Variants in MYO16 observed in about 807,000 individuals in gnomAD.
MYO16 encodes unconventional myosin-XVI.
MYO16 carries 94 observed loss-of-function variants against 205.3 expected under a neutral mutation model. The ratio of observed to expected loss-of-function variants is 0.46; its 90% confidence interval spans 0.39 to 0.54. The LOEUF (loss-of-function observed/expected upper bound fraction) is 0.54, where lower values mean the gene tolerates loss of function less well. Among genes scored for constraint, MYO16 ranks in the 20% least tolerant of loss-of-function variants. The pLI is 0.00. For missense variants in MYO16, 2,315 were observed against 2,387.5 expected (o/e 0.97, Z 0.63); for synonymous variants, 988 against 954.0 (o/e 1.04, Z -0.66).
intron 2 of MYO16, among the ~76,000 whole-genome samples, chr13:108,675,974 A>G (rs1566543856): frequency 6.6e-6 from 1 of 152,192 alleles, no homozygotes; most frequent in Non-Finnish European, 1.5e-5. Flanking sequence ...TAGATAATAC[A>G]TGCAAATACC....
rs1050349984 is a variant in MYO16 at position 108,659,729 on chromosome 13, A to G, written c.29-6157A>G. Among the ~76,000 whole-genome samples, 3 of 152,120 alleles carry G rather than the reference A, an allele frequency of 2.0e-5. No individual in the cohort carries two copies. The South Asian group carries it at 6.2e-4, about 31-fold the overall frequency. On this transcript the variant is annotated intron_variant, in intron 1 of 34. Transcript: ENST00000457511. ...AAAGAGTGTGATATTTCTTCCATCA[A>G]CATAATTGTCCGTTCTGCAATTTCA...
intron 4 of MYO16, among the ~76,000 whole-genome samples, chr13:108,732,278 G>T (rs989916627): frequency 9.9e-5 from 15 of 152,078 alleles, no homozygotes; most frequent in Admixed American, 2.0e-4. Flanking sequence ...TCAGCAGTGA[G>T]CACAAGCAGA....
At chr13:108,735,193 A>T (rs1884649522) in intron 4 of MYO16, among the ~76,000 whole-genome samples, 1 of 152,072 alleles carries the variant, frequency 6.6e-6, no homozygotes, top group African/African-American at 2.4e-5. Flanking sequence ...TACATGTGAC[A>T]TGTTGGTGTG....
chr13:109,160,914 G>A (rs1427773002), intron 32 of MYO16, among the ~76,000 whole-genome samples: 1 of 152,144 alleles, frequency 6.6e-6, no homozygotes, highest in Non-Finnish European at 1.5e-5. Context: ...TGAAGTGCTG[G>A]GTAGTGGGAA....
intron 34 of MYO16, among the ~76,000 whole-genome samples, chr13:109,197,108 C>T (rs544311550): frequency 2.6e-5 from 4 of 152,186 alleles, no homozygotes; most frequent in Non-Finnish European, 5.9e-5. Flanking sequence ...GACTGTCCCC[C>T]TCTCCTTCAG....
chr13:108,881,989 A>G (rs1242577445), intron 12 of MYO16, among the ~76,000 whole-genome samples: 1 of 152,208 alleles, frequency 6.6e-6, no homozygotes, highest in African/African-American at 2.4e-5. Flanking sequence ...CAAGACACAT[A>G]ATTGTCAGAT....
rs1169277056 is a variant in MYO16, at chr13:108,962,329, C to T, written c.2156-95C>T. ...AAAATACTCATGTTTTGTAATGTGC[C>T]TATATAAAACTTATCAATTATGGCC... is the stretch of plus-strand genomic sequence containing the variant. On this transcript the variant is annotated intron_variant, in intron 18 of 34. Transcript: ENST00000457511. The T allele has an allele frequency of 4.5e-6, 4 of 880,238 alleles. No individual in the cohort carries two copies. In the East Asian group the frequency reaches 1.0e-4, roughly 23 times the overall value. 54.5% of individuals were successfully genotyped at this position (880,238 alleles called of 1,614,324 possible). A position where few individuals can be genotyped will look rare whatever the true frequency, so the allele number is the denominator to read the frequency against.
At chr13:108,839,415 T>G (rs538941274) in intron 9 of MYO16, among the ~76,000 whole-genome samples, 2 of 152,222 alleles carry the variant, frequency 1.3e-5, no homozygotes, top group South Asian at 4.2e-4. Flanking sequence ...TTTCTTTTCA[T>G]AGTAATTTTT....
At chr13:109,085,036 G>A (rs1346621783) in intron 27 of MYO16, among the ~76,000 whole-genome samples, 1 of 152,160 alleles carries the variant, frequency 6.6e-6, no homozygotes, top group Non-Finnish European at 1.5e-5. Flanking sequence ...GTACACACAA[G>A]CAGGTGCAGA....
chr13:109,157,766 A>G (rs775691410), intron 32 of MYO16, among the ~76,000 whole-genome samples: 9 of 152,244 alleles, frequency 5.9e-5, no homozygotes, highest in Non-Finnish European at 1.3e-4. Context: ...AGTGAATAAA[A>G]CCGTCAAAAT....
At chr13:109,026,660 G>C (rs13379033) in intron 23 of MYO16, among the ~76,000 whole-genome samples, 1 of 152,106 alleles carries the variant, frequency 6.6e-6, no homozygotes, top group Admixed American at 6.5e-5. Flanking sequence ...CATTTGATTC[G>C]TTTTTAAGTG....
chr13:109,022,350 A>ATATG, intron 23 of MYO16, among the ~76,000 whole-genome samples: 1 of 115,246 alleles, frequency 8.7e-6, no homozygotes, highest in African/African-American at 3.7e-5. Context: ...TTATATACAA[A>ATATG]TATATATGTA....
chr13:109,023,765 G>T (rs1274755960), intron 23 of MYO16, among the ~76,000 whole-genome samples: 2 of 74,904 alleles, frequency 2.7e-5, no homozygotes, highest in Non-Finnish European at 5.9e-5. Context: ...ATACAAATAT[G>T]TTTTTATATA....
At chr13:108,509,572 A>G in the MYO16 span, among the ~76,000 whole-genome samples, 1 of 152,176 alleles carries the variant, frequency 6.6e-6, no homozygotes. Flanking sequence ...GTCCAACTCA[A>G]GCTCTAAAAG....
At chr13:108,681,378 A>G (rs1414134577) in intron 2 of MYO16, among the ~76,000 whole-genome samples, 1 of 152,164 alleles carries the variant, frequency 6.6e-6, no homozygotes, top group East Asian at 1.9e-4. Context: ...TAACTTTTAC[A>G]TCATCCTTCT....
chr13:108,836,474 T>C (rs1388286720), intron 9 of MYO16, among the ~76,000 whole-genome samples: 4 of 152,190 alleles, frequency 2.6e-5, no homozygotes, highest in Non-Finnish European at 5.9e-5. Flanking sequence ...TGGGCACTGC[T>C]TAATGGAGCT....
intron 6 of MYO16, among the ~76,000 whole-genome samples, chr13:108,797,689 T>C (rs1256413859): frequency 2.0e-5 from 3 of 152,246 alleles, no homozygotes; most frequent in Admixed American, 1.3e-4. Context: ...GTTATTTAAT[T>C]AATTCATTTA....
At chr13:108,676,401 G>GTT (rs1882211203) in intron 2 of MYO16, among the ~76,000 whole-genome samples, 1 of 147,484 alleles carries the variant, frequency 6.8e-6, no homozygotes, top group African/African-American at 2.5e-5. Flanking sequence ...GTGTGTGTGT[G>GTT]TGTGTGCCAG....
the MYO16 span, among the ~76,000 whole-genome samples, chr13:108,522,161 A>G: frequency 6.6e-6 from 1 of 152,206 alleles, no homozygotes; most frequent in Admixed American, 6.5e-5. Flanking sequence ...GAATCTTCTT[A>G]CCCTGCTTTG....
Sources: allele counts gnomAD v4.1 joint callset (sites outside exome capture counted in the v4.1 genomes callset), GRCh38; gene constraint gnomAD v4.1.1; transcripts MANE v1.5; gene names NCBI Gene and HGNC (gene_info 2026-07-23, HGNC 2026-07-21).